The following RSF1 variants were observed in gnomAD, a reference collection of about 807,000 sequenced individuals.
RSF1 encodes HBV pX-associated protein 8.
RSF1 carries 13 observed loss-of-function variants against 145.2 expected under a neutral mutation model. The ratio of observed to expected loss-of-function variants is 0.09; its 90% CI spans 0.06 to 0.14. The LOEUF (loss-of-function observed/expected upper bound fraction) is 0.14. RSF1 is among the 10% of genes least tolerant of loss of function. The pLI is 1.00. For missense variants in RSF1, 1,517 were observed against 1,718.2 expected, an observed-to-expected ratio of 0.88 and a Z score of 2.07; for synonymous variants, 577 against 592.6, an observed-to-expected ratio of 0.97 and a Z score of 0.38.
At chr11:77,854,929 T>C in the RSF1 span, among the ~76,000 whole-genome samples, 2 of 152,172 alleles carry the variant, frequency 1.3e-5, no homozygotes, top group Non-Finnish European at 2.9e-5. Context: ...CTCTAAAAAC[T>C]AGGCAGAGGC....
intron 5 of RSF1, among the ~76,000 whole-genome samples, chr11:77,724,096 T>C (rs749100424): frequency 6.6e-6 from 1 of 151,904 alleles, no homozygotes. Flanking sequence ...GACAAAAAAC[T>C]TGAATAAACA....
At position 77,661,634 on chromosome 11, in the gene RSF1, T is replaced by C. The variant is rs1590815591; in HGVS notation, c.*5283A>G. The C allele has an allele frequency of 6.6e-6, 1 of 152,080 alleles. No individual in the cohort carries two copies. Among genetic ancestry groups the C allele is most frequent in the African/African-American group, 2.4e-5 (1 of 41,420 alleles). 9.4% of individuals were successfully genotyped at this position (152,080 alleles called of 1,614,324 possible). On this transcript the variant is annotated 3_prime_UTR_variant, in exon 16 of 16. Coordinates refer to ENST00000308488, the MANE Select transcript of RSF1 (RefSeq NM_016578.4). ...TAGGTTTAATTACATAATGCACCTG[T>C]AGATGATCTAGCATAAACACAATTG...
At chr11:77,776,229 C>A (rs1333707300) in intron 1 of RSF1, among the ~76,000 whole-genome samples, 1 of 151,976 alleles carries the variant, frequency 6.6e-6, no homozygotes, top group Non-Finnish European at 1.5e-5. Flanking sequence ...AACAAACAAA[C>A]AAAAACGGGG....
the RSF1 span, among the ~76,000 whole-genome samples, chr11:77,840,096 A>T: frequency 1.6e-5 from 1 of 62,168 alleles, no homozygotes; most frequent in Non-Finnish European, 3.0e-5. Context: ...GGGGGACAGT[A>T]AACACACACA....
intron 1 of RSF1, 142 bp from the exon 2 acceptor site, chr11:77,764,831 T>G (rs1948209824): frequency 1.8e-6 from 1 of 553,514 alleles, no homozygotes; most frequent in Non-Finnish European, 3.1e-6. Flanking sequence ...TTTAGACCTC[T>G]GAATCAAAAA....
intron 2 of RSF1, among the ~76,000 whole-genome samples, chr11:77,759,481 C>T (rs187808027): frequency 6.6e-6 from 1 of 152,290 alleles, no homozygotes; most frequent in Non-Finnish European, 1.5e-5. Flanking sequence ...AGAGATCTCT[C>T]GAGACCATCC....
intron 11 of RSF1, among the ~76,000 whole-genome samples, chr11:77,678,942 T>C (rs1036949092): frequency 2.0e-5 from 3 of 152,210 alleles, no homozygotes; most frequent in Non-Finnish European, 4.4e-5. Flanking sequence ...TTATAGGCTA[T>C]CCAGTTTACG....
Position 77,801,139 on chromosome 11 carries a change from T to C in RSF1, c.187+19389A>G, listed in dbSNP as rs192944368. ...ATTACCTTGTATATATAAGAATACATGGTTGGGGCTGGGCTCAGTGGCTTC... is the reference window on the plus strand; with the variant it reads ...ATTACCTTGTATATATAAGAATACACGGTTGGGGCTGGGCTCAGTGGCTTC... On this transcript the variant is annotated intron_variant, in intron 1 of 15. Transcript: ENST00000308488. 5.0e-3 allele frequency among the ~76,000 whole-genome samples: 755 copies of C among 152,310 alleles called. 9 individuals carry two copies. The highest frequency in any genetic ancestry group is 0.017 in the African/African-American group (711 of 41,576).
chr11:77,775,836 G>A (rs191300663), intron 1 of RSF1, among the ~76,000 whole-genome samples: 3 of 152,200 alleles, frequency 2.0e-5, no homozygotes, highest in East Asian at 1.9e-4. Context: ...TGGCACGATC[G>A]GGGCTCACTG....
Position 77,732,525 on chromosome 11 carries a change from C to G in RSF1, c.579-6826G>C, listed in dbSNP as rs7117984. 1.5e-3 allele frequency among the ~76,000 whole-genome samples: 221 copies of G among 152,246 alleles called. 1 individual carries two copies. The highest frequency in any genetic ancestry group is 5.2e-3 in the African/African-American group (216 of 41,528). On this transcript the variant is annotated intron_variant, in intron 4 of 15. Transcript: ENST00000308488. ...AAATATGGTTTGGCTCTGTCCCCACCCAATTCTCATCTTAAATTGTAACTG... is the reference window on the plus strand; with the variant it reads ...AAATATGGTTTGGCTCTGTCCCCACGCAATTCTCATCTTAAATTGTAACTG...
intron 1 of RSF1, among the ~76,000 whole-genome samples, chr11:77,818,971 T>C (rs1346636614): frequency 2.6e-5 from 4 of 152,192 alleles, no homozygotes; most frequent in African/African-American, 9.6e-5. Flanking sequence ...GTAGAGGGAA[T>C]GTGGACAGGT....
Position 77,820,554 on chromosome 11 carries a change from G to A in RSF1, c.161C>T (p.Pro54Leu). 1.3e-6 allele frequency: 2 copies of A among 1,550,216 alleles called. No individual in the cohort carries two copies. The highest frequency in any genetic ancestry group is 1.7e-6 in the Non-Finnish European group (2 of 1,147,830). The change falls in exon 1 of 16, where the codon CCG becomes CTG. Residue 54 changes from proline to leucine, a missense_variant. Around this residue, in one of 12 missense-constraint regions of RSF1, gnomAD observed 85 missense variants for 91.8 expected, o/e 0.93. Coordinates refer to ENST00000308488, the MANE Select transcript of RSF1 (RefSeq NM_016578.4). ...TTCTCCGTTGCCGACGTCCGGCGGC[G>A]GCGCCTGCAGCACCCGCTCCAGCTC... ...FPELERVLQA[P>L]PPDVGNGEVP...
the RSF1 span, among the ~76,000 whole-genome samples, chr11:77,865,712 T>C: frequency 6.6e-6 from 1 of 152,206 alleles, no homozygotes; most frequent in African/African-American, 2.4e-5. Context: ...TTGGAAAAGA[T>C]TTCCATTTTC....
At chr11:77,844,170 G>T in the RSF1 span, among the ~76,000 whole-genome samples, 1 of 152,134 alleles carries the variant, frequency 6.6e-6, no homozygotes, top group Non-Finnish European at 1.5e-5. Flanking sequence ...TGGAAAGAGA[G>T]GTAGCTAGCT....
the RSF1 span, among the ~76,000 whole-genome samples, chr11:77,861,475 C>A: frequency 2.4e-3 from 367 of 152,264 alleles, 9 homozygotes; most frequent in Admixed American, 0.023. Flanking sequence ...GTCAAGTATA[C>A]CCGGGGCTCT....
At chr11:77,742,756 C>CT (rs1264489108) in intron 3 of RSF1, among the ~76,000 whole-genome samples, 3 of 152,150 alleles carry the variant, frequency 2.0e-5, no homozygotes, top group Admixed American at 1.3e-4. Flanking sequence ...TTTCCTACGT[C>CT]TTTTTCTGAG....
chr11:77,746,471 A>C (rs1565168206), intron 3 of RSF1, among the ~76,000 whole-genome samples: 1 of 152,206 alleles, frequency 6.6e-6, no homozygotes, highest in Non-Finnish European at 1.5e-5. Context: ...TAAATTTTAG[A>C]AGTAGCAAAA....
At chr11:77,807,963 G>A (rs531648759) in intron 1 of RSF1, among the ~76,000 whole-genome samples, 1 of 152,158 alleles carries the variant, frequency 6.6e-6, no homozygotes, top group East Asian at 1.9e-4. Context: ...ATAGGTACAG[G>A]AGACGAAGTC....
chr11:77,847,107 C>T, the RSF1 span, among the ~76,000 whole-genome samples: 2 of 152,112 alleles, frequency 1.3e-5, no homozygotes, highest in African/African-American at 2.4e-5. Context: ...AGAAATCTTT[C>T]CTCATCTTTT....
Sources: gnomAD v4.1 joint callset for allele counts (sites outside exome capture counted in the v4.1 genomes callset) on GRCh38, gnomAD v4.1.1 for gene constraint, gnomAD v4.1.1 regional missense constraint, MANE v1.5 for transcripts, NCBI Gene and HGNC (gene_info 2026-07-23, HGNC 2026-07-21) for gene names.